Variants in CHRM3 observed in about 807,000 individuals in gnomAD.
The protein encoded by CHRM3 is muscarinic acetylcholine receptor M3.
CHRM3 carries 11 observed loss-of-function variants against 41.8 expected under a neutral mutation model. The ratio of observed to expected loss-of-function variants is 0.26; its 90% CI spans 0.17 to 0.44. CHRM3 has a LOEUF of 0.44. CHRM3 is among the 20% of genes least tolerant of loss of function. CHRM3 has a pLI of 1.00. For synonymous variants in CHRM3, 297 were observed against 301.4 expected, an observed-to-expected ratio of 0.99 and a Z score of 0.15; for missense variants, 571 against 745.4, an observed-to-expected ratio of 0.77 and a Z score of 2.72.
At chr1:239,416,072 AGTATC>A (rs1339646488) in intron 1 of CHRM3, among the ~76,000 whole-genome samples, 1 of 152,214 alleles carries the variant, frequency 6.6e-6, no homozygotes, top group Non-Finnish European at 1.5e-5. Flanking sequence ...AACAGAATTA[AGTATC>A]GTGGGGAAGC....
chr1:239,894,366 G>A (rs1456238396), intron 6 of CHRM3, among the ~76,000 whole-genome samples: 1 of 152,174 alleles, frequency 6.6e-6, no homozygotes, highest in Non-Finnish European at 1.5e-5. Flanking sequence ...GCATGCCCAG[G>A]GACCTCAGCC....
intron 1 of CHRM3, among the ~76,000 whole-genome samples, chr1:239,437,571 C>A (rs968794884): frequency 1.3e-5 from 2 of 152,158 alleles, no homozygotes; most frequent in African/African-American, 4.8e-5. Flanking sequence ...GAGTCTCTCT[C>A]TGTCACCCAG....
chr1:239,672,938 C>T (rs1051348759), intron 4 of CHRM3, among the ~76,000 whole-genome samples: 1 of 151,998 alleles, frequency 6.6e-6, no homozygotes, highest in East Asian at 1.9e-4. Context: ...GAATGTACTG[C>T]CTAAAACTAT....
chr1:239,531,486 C>A (rs1454683127), intron 2 of CHRM3, among the ~76,000 whole-genome samples: 1 of 151,792 alleles, frequency 6.6e-6, no homozygotes, highest in Admixed American at 6.6e-5. Flanking sequence ...TTGATCACGT[C>A]AATACACATA....
chr1:239,588,775 A>G (rs1004558089), intron 3 of CHRM3, among the ~76,000 whole-genome samples: 2 of 152,178 alleles, frequency 1.3e-5, no homozygotes, highest in African/African-American at 4.8e-5. Context: ...CAAAATTTGC[A>G]TAGACTTTGA....
At chr1:239,691,800 G>C (rs932042085) in intron 5 of CHRM3, among the ~76,000 whole-genome samples, 26 of 152,104 alleles carry the variant, frequency 1.7e-4, no homozygotes, top group African/African-American at 6.3e-4. Flanking sequence ...ATTTTGATGT[G>C]AAATAGGATG....
At chr1:239,750,325 T>G (rs1665706111) in intron 5 of CHRM3, among the ~76,000 whole-genome samples, 1 of 152,298 alleles carries the variant, frequency 6.6e-6, no homozygotes, top group Admixed American at 6.5e-5. Context: ...AAAAAAACAT[T>G]CAGGACCTAT....
At chr1:239,721,911 G>C (rs954309160) in intron 5 of CHRM3, among the ~76,000 whole-genome samples, 2 of 151,870 alleles carry the variant, frequency 1.3e-5, no homozygotes, top group Non-Finnish European at 1.5e-5. Flanking sequence ...AGCTGATGTG[G>C]GAGATTTGCA....
At chr1:239,753,526 T>G (rs1160794231) in intron 5 of CHRM3, among the ~76,000 whole-genome samples, 1 of 152,012 alleles carries the variant, frequency 6.6e-6, no homozygotes, top group Non-Finnish European at 1.5e-5. Context: ...GAGCATCAGA[T>G]CTCATGAGAA....
intron 4 of CHRM3, among the ~76,000 whole-genome samples, chr1:239,645,616 AAAAC>A (rs1334608328): frequency 1.3e-5 from 2 of 152,250 alleles, no homozygotes. Flanking sequence ...TGTCATACAC[AAAAC>A]AAACACAACG....
intron 3 of CHRM3, among the ~76,000 whole-genome samples, chr1:239,613,639 A>G (rs1667305353): frequency 1.3e-5 from 2 of 151,544 alleles, no homozygotes; most frequent in South Asian, 4.1e-4. Flanking sequence ...TGGGAGAAGT[A>G]AAACAAATAT....
intron 5 of CHRM3, among the ~76,000 whole-genome samples, chr1:239,817,454 A>G (rs1309489771): frequency 1.3e-5 from 2 of 152,020 alleles, no homozygotes; most frequent in Non-Finnish European, 2.9e-5. Flanking sequence ...GAACTGCCCA[A>G]ATCTTTAAGA....
At chr1:239,483,048 A>C (rs1010919245) in intron 1 of CHRM3, among the ~76,000 whole-genome samples, 1 of 152,176 alleles carries the variant, frequency 6.6e-6, no homozygotes, top group Non-Finnish European at 1.5e-5. Context: ...ATCTCTTTAG[A>C]GTTGCTTTTT....
chr1:239,842,926 G>A (rs1427656377), intron 6 of CHRM3, among the ~76,000 whole-genome samples: 1 of 152,078 alleles, frequency 6.6e-6, no homozygotes, highest in Non-Finnish European at 1.5e-5. Flanking sequence ...CTGCTTCCAG[G>A]ACCCTGCCCC....
chr1:239,669,351 C>T (rs567105950), intron 4 of CHRM3, among the ~76,000 whole-genome samples: 30 of 152,196 alleles, frequency 2.0e-4, no homozygotes, highest in African/African-American at 7.0e-4. Context: ...TTGTTATTCA[C>T]CCAGTTAACA....
intron 4 of CHRM3, among the ~76,000 whole-genome samples, chr1:239,657,245 C>A (rs983946036): frequency 6.6e-6 from 1 of 152,160 alleles, no homozygotes; most frequent in African/African-American, 2.4e-5. Context: ...TGAAGAGGAG[C>A]TGGAATACCC....
At chr1:239,885,403 TG>T (rs1290999570) in intron 6 of CHRM3, among the ~76,000 whole-genome samples, 1 of 152,140 alleles carries the variant, frequency 6.6e-6, no homozygotes, top group African/African-American at 2.4e-5. Flanking sequence ...TGCTTGATGC[TG>T]GGGTTCCAGG....
At chr1:239,894,833 T>G (rs900750224) in intron 6 of CHRM3, among the ~76,000 whole-genome samples, 5 of 152,106 alleles carry the variant, frequency 3.3e-5, no homozygotes, top group African/African-American at 1.2e-4. Context: ...TTACTAGTCT[T>G]CATTTTCTGG....
At chr1:239,404,390 AAGAAAGAAAGAAAGAAAGAAAAAG>A (rs1558195317) in intron 1 of CHRM3, among the ~76,000 whole-genome samples, 345 of 82,612 alleles carry the variant, frequency 4.2e-3, no homozygotes, top group Middle Eastern at 0.01. Context: ...GAAAGAAAGA[AAGAAAGAAAGAAAGAAAGAAAAAG>A]AAAGAAAGAA....
Sources: gnomAD v4.1 joint callset for allele counts (sites outside exome capture counted in the v4.1 genomes callset) on GRCh38, gnomAD v4.1.1 for gene constraint, MANE v1.5 for transcripts, NCBI Gene and HGNC (gene_info 2026-07-23, HGNC 2026-07-21) for gene names.